The following DCTN1 variants were observed in gnomAD, a reference collection of about 807,000 sequenced individuals.
DCTN1 encodes the protein dynactin subunit 1, also known as 150 kDa dynein-associated polypeptide.
In DCTN1, 61 loss-of-function variants were observed where a neutral mutation model predicts 161.2. That is an observed-to-expected ratio of 0.38 (90% CI 0.31 to 0.47). DCTN1 has a LOEUF of 0.47. Among genes scored for constraint, DCTN1 ranks in the 20% least tolerant of loss-of-function variants. The probability of loss-of-function intolerance (pLI) is 0.99; values close to 1 mark genes in which losing one functional copy is unlikely to be tolerated. For synonymous variants in DCTN1, 653 were observed against 632.4 expected (o/e 1.03, Z -0.49); for missense variants, 1,404 against 1,623.7 (o/e 0.86, Z 2.33).
At position 74,369,415 on chromosome 2, in the gene DCTN1, T is replaced by C; in HGVS notation, c.1469A>G (p.Asp490Gly). ...CTCACGAACCCGCGCGCCTGCCATGTCCAGCTGCTCCCGCAGCTCCAGTTC... is the reference window on the plus strand; with the variant it reads ...CTCACGAACCCGCGCGCCTGCCATGCCCAGCTGCTCCCGCAGCTCCAGTTC... ...ETELELREQLDMAGARVREAQ... is the reference protein window; with the variant it reads ...ETELELREQLGMAGARVREAQ... The change falls in exon 14 of 32, where the codon GAC (aspartate) becomes GGC (glycine). Residue 490 changes from aspartate to glycine, a missense_variant. By Grantham distance (94) the Asp-to-Gly change is moderately conservative. This residue lies in a region of DCTN1 where 278 missense variants were observed against 363.8 expected (regional missense o/e 0.76). Transcript: ENST00000628224. The surrounding 1 kb of genome is among the most constrained non-coding windows in gnomAD (Gnocchi z 4.9). 6.2e-7 allele frequency: 1 copy of C among 1,614,192 alleles called. No individual in the cohort carries two copies. Among genetic ancestry groups the C allele is most frequent in the Non-Finnish European group, 8.5e-7 (1 of 1,180,042 alleles).
rs563405388 is a variant in DCTN1 at position 74,369,705 on chromosome 2, C to T, written c.1393-214G>A. Reference sequence around the variant, plus strand: ...GCGCATGCCTGTAGTACCAGCTACTCGGGAGGCTGAGGCAGGAGAATCGCT... The same window carrying T: ...GCGCATGCCTGTAGTACCAGCTACTTGGGAGGCTGAGGCAGGAGAATCGCT... On this transcript the variant is annotated intron_variant, in intron 13 of 31. Transcript: ENST00000628224. The surrounding 1 kb of genome is among the most constrained non-coding windows in gnomAD (Gnocchi z 4.9). 5.3e-5 allele frequency among the ~76,000 whole-genome samples: 8 copies of T among 151,306 alleles called. No homozygotes were observed. The highest frequency in any genetic ancestry group is 3.4e-3 in the Middle Eastern group (1 of 292).
rs776979360 is a variant in DCTN1 at position 74,361,588 on chromosome 2, A to T, written c.3748T>A (p.Phe1250Ile). The change falls in exon 32 of 32, where the codon TTC (phenylalanine) becomes ATC (isoleucine). Residue 1250 changes from phenylalanine (F) to isoleucine (I), a missense_variant. Around this residue, in one of 9 missense-constraint regions of DCTN1, gnomAD observed 311 missense variants for 298.9 expected, o/e 1.04. Transcript: ENST00000628224. ...DDTVYMGKVT[F>I]SCAAGFGQRH... Reference sequence around the variant, plus strand: ...TGTCCAAAACCAGCCGCACATGAGAAGGTCACTTTGCCCATGTAGACTGTG... The same window carrying T: ...TGTCCAAAACCAGCCGCACATGAGATGGTCACTTTGCCCATGTAGACTGTG... The T allele has an allele frequency of 3.7e-6, 6 of 1,614,122 alleles. No homozygotes were observed. In the South Asian group the frequency reaches 5.5e-5, roughly 15 times the overall value.
chr2:74,378,711 A>C (rs1463964934), intron 1 of DCTN1, among the ~76,000 whole-genome samples: 1 of 152,052 alleles, frequency 6.6e-6, no homozygotes, highest in East Asian at 1.9e-4. Flanking sequence ...TTCCACTGTC[A>C]CTTGTCTCCT....
chr2:74,361,380 A>T lies in DCTN1; in HGVS notation c.*119T>A. ...GCTGAAAGGGTGGGAGTGAAGCTGA[A>T]CGGGGCAGGAAGAGCTTAACCCACG... On this transcript the variant is annotated 3_prime_UTR_variant, in exon 32 of 32. Transcript: ENST00000628224. 7.0e-7 allele frequency: 1 copy of T among 1,433,144 alleles called. No individual in the cohort carries two copies. The highest frequency in any genetic ancestry group is 9.6e-7 in the Non-Finnish European group (1 of 1,038,408). The allele number at this position is 1,433,144 out of a possible 1,614,324, so 88.8% of individuals were successfully genotyped here.
At chr2:74,364,973 T>C (rs1674291039) in intron 26 of DCTN1, 102 bp downstream of exon 26, 2 of 1,442,368 alleles carry the variant, frequency 1.4e-6, no homozygotes, top group Admixed American at 1.7e-5. Context: ...CCTGGCTGAA[T>C]ACCCGGGGGT....
intron 1 of DCTN1, chr2:74,379,102 A>G (rs1214196673): frequency 6.6e-6 from 1 of 152,482 alleles, no homozygotes. Flanking sequence ...ACAACAGACT[A>G]AGACACTGTC....
chr2:74,365,130 T>C lies in DCTN1; in HGVS notation c.3141A>G (p.Gly1047=), dbSNP rs1674307359. ...LNSQSKRTIE[G]LRGPPPSGIA... is the part of the protein sequence containing the mutation. ...TGCCTGAAGGAGGAGGGCCCCGGAG[T>C]CCCTCAATCGTGCGTTTGGACTGGC... Residue 1047 remains glycine, a synonymous_variant, in exon 26 of 32, where the codon GGA becomes GGG. Coordinates refer to ENST00000628224, the MANE Select transcript of DCTN1 (RefSeq NM_004082.5). The C allele has an allele frequency of 6.2e-7, 1 of 1,613,714 alleles. No individual in the cohort carries two copies. The highest frequency in any genetic ancestry group is 1.1e-5 in the South Asian group (1 of 91,060).
Position 74,369,821 on chromosome 2 carries a change from A to G in DCTN1, c.1392+144T>C. The G allele has an allele frequency of 1.6e-5, 12 of 750,498 alleles. No homozygotes were observed. The highest frequency in any genetic ancestry group is 3.5e-4 in the Middle Eastern group (1 of 2,824). The allele number at this position is 750,498 out of a possible 1,614,324, so 46.5% of individuals were successfully genotyped here. A position where few individuals can be genotyped will look rare whatever the true frequency, so the allele number is the denominator to read the frequency against. ...CAGAGCGAGATTCCATCTCAGAAAA[A>G]AAAAAAAAAAAAAAAGGCAGGGTCA... On this transcript the variant is annotated intron_variant, in intron 13 of 31. Coordinates refer to ENST00000628224, the MANE Select transcript of DCTN1 (RefSeq NM_004082.5). The surrounding 1 kb of genome is among the most constrained non-coding windows in gnomAD (Gnocchi z 4.9).
At position 74,366,394 on chromosome 2, in the gene DCTN1, G is replaced by A. The variant is rs757554781; in HGVS notation, c.2629-19C>T. The A allele has an allele frequency of 6.2e-7, 1 of 1,614,222 alleles. No homozygotes were observed. The highest frequency in any genetic ancestry group is 2.2e-5 in the East Asian group (1 of 44,880). ...CATAGATCTGCAGGAGCCAAGGGCA[G>A]AAGTAAAAGCCCCACACTGGTCACT... On this transcript the variant is annotated intron_variant, in intron 22 of 31. Transcript: ENST00000628224.
In DCTN1 at chr2:74,380,155, G is replaced by T; in HGVS notation, c.-118C>A. On this transcript the variant is annotated 5_prime_UTR_variant, in exon 1 of 32. It adds an upstream start codon to the 5' untranslated region. Coordinates refer to ENST00000628224, the MANE Select transcript of DCTN1 (RefSeq NM_004082.5). ...TCATAGAGGGACACAGGAGTCGTCA[G>T]GCACAGCCCTCCCCAGTCCATGGGC... is the stretch of plus-strand genomic sequence containing the variant. 9.1e-7 allele frequency: 1 copy of T among 1,097,604 alleles called. No homozygotes were observed. Among genetic ancestry groups the T allele is most frequent in the Non-Finnish European group, 1.4e-6 (1 of 728,818 alleles). The allele number at this position is 1,097,604 out of a possible 1,614,324, so 68.0% of individuals were successfully genotyped here. A position where few individuals can be genotyped will look rare whatever the true frequency, so the allele number is the denominator to read the frequency against.
chr2:74,391,861 G>GCCGGCCCCGCCCTC (rs1676026320), exon 1 of DCTN1: 2 of 453,204 alleles, frequency 4.4e-6, no homozygotes, highest in African/African-American at 2.0e-5. Flanking sequence ...ACCCTGCGGG[G>GCCGGCCCCGCCCTC]CCGGCCCCGC....
intron 7 of DCTN1, 25 bp from the exon 8 acceptor site, chr2:74,371,753 C>G (rs1191781344): frequency 3.1e-6 from 5 of 1,594,856 alleles, no homozygotes; most frequent in Non-Finnish European, 4.3e-6. Flanking sequence ...TAGAGGCAGA[C>G]CAGAAAGAAA....
At chr2:74,366,747 T>C (rs773848704) in intron 21 of DCTN1, 36 bp downstream of exon 21, 4 of 1,614,250 alleles carry the variant, frequency 2.5e-6, no homozygotes, top group Non-Finnish European at 3.4e-6. Context: ...ATGTTTCTAC[T>C]CAGTTTCCTT....
At chr2:74,391,412 C>A (rs1573195815) in intron 1 of DCTN1, 1 of 254,920 alleles carries the variant, frequency 3.9e-6, no homozygotes, top group East Asian at 1.2e-4. Context: ...TCCAGACTCC[C>A]ATGCTGTGAG....
At position 74,369,922 on chromosome 2, in the gene DCTN1, C is replaced by T. The variant is rs771900174; in HGVS notation, c.1392+43G>A. ...AAGGGTCACATGTCAATCTTTTTCT[C>T]AGCAGGTCCAAGTCAGATGTCAGGG... On this transcript the variant is annotated intron_variant, in intron 13 of 31. Coordinates refer to ENST00000628224, the MANE Select transcript of DCTN1 (RefSeq NM_004082.5). The surrounding 1 kb of genome is among the most constrained non-coding windows in gnomAD (Gnocchi z 4.9). 68 of 1,592,954 alleles carry T rather than the reference C, an allele frequency of 4.3e-5. No individual in the cohort carries two copies. Among genetic ancestry groups the T allele is most frequent in the Non-Finnish European group, 2.5e-5 (29 of 1,161,610 alleles).
intron 6 of DCTN1, 79 bp downstream of exon 6, chr2:74,374,244 G>GC: frequency 6.8e-7 from 1 of 1,481,138 alleles, no homozygotes. Context: ...AAGTCAATCA[G>GC]CCCCCACCCC....
At chr2:74,372,062 T>C (rs1005830535) in intron 7 of DCTN1, 6 of 348,690 alleles carry the variant, frequency 1.7e-5, no homozygotes, top group Admixed American at 4.4e-5. Context: ...AAGAGCAGAA[T>C]CCGTTATTCC....
At chr2:74,374,545 T>C in intron 5 of DCTN1, 2 of 1,382,238 alleles carry the variant, frequency 1.4e-6, no homozygotes, top group South Asian at 1.4e-5. Context: ...CTTCCCAGCC[T>C]GCAAACGGCC....
chr2:74,369,616 C>T lies in DCTN1; in HGVS notation c.1393-125G>A, dbSNP rs1558940889. Reference sequence around the variant, plus strand: ...CGGATCATGAGGTCGAGATCGAGATCATGCTGGCCAACATGGTGAAACCCC... The same window carrying T: ...CGGATCATGAGGTCGAGATCGAGATTATGCTGGCCAACATGGTGAAACCCC... On this transcript the variant is annotated intron_variant, in intron 13 of 31. Coordinates refer to ENST00000628224, the MANE Select transcript of DCTN1 (RefSeq NM_004082.5). The surrounding 1 kb of genome is among the most constrained non-coding windows in gnomAD (Gnocchi z 4.9). The T allele has an allele frequency of 1.0e-6, 1 of 994,764 alleles. No homozygotes were observed. Among genetic ancestry groups the T allele is most frequent in the East Asian group, 2.4e-5 (1 of 42,118 alleles). 61.6% of individuals were successfully genotyped at this position (994,764 alleles called of 1,614,324 possible).
Sources: gnomAD v4.1 joint callset for allele counts (sites outside exome capture counted in the v4.1 genomes callset) on GRCh38, gnomAD v4.1.1 for gene constraint, gnomAD v4.1.1 regional missense constraint, Gnocchi (gnomAD v3.1) non-coding constraint, MANE v1.5 for transcripts, NCBI Gene and HGNC (gene_info 2026-07-23, HGNC 2026-07-21) for gene names.